Variants in DNER observed in about 807,000 individuals in gnomAD.
The protein encoded by DNER is delta/notch like EGF repeat containing, also known as delta and Notch-like epidermal growth factor-related receptor.
DNER carries 33 observed loss-of-function variants against 78.2 expected under a neutral mutation model. The ratio of observed to expected loss-of-function variants is 0.42; its 90% CI spans 0.32 to 0.56. The LOEUF (loss-of-function observed/expected upper bound fraction) is 0.56. Among genes scored for constraint, DNER ranks in the 20% least tolerant of loss-of-function variants. DNER has a pLI of 0.11. For missense variants in DNER, 918 were observed against 975.3 expected (o/e 0.94, Z 0.78); for synonymous variants, 417 against 384.8 (o/e 1.08, Z -0.98).
chr2:229,593,578 T>C (rs1253392909), intron 1 of DNER, among the ~76,000 whole-genome samples: 1 of 152,202 alleles, frequency 6.6e-6, no homozygotes, highest in Non-Finnish European at 1.5e-5. Context: ...ACACAGACTG[T>C]ATGATGGGAC....
chr2:229,402,674 G>A (rs1432716540), intron 10 of DNER, among the ~76,000 whole-genome samples: 2 of 152,194 alleles, frequency 1.3e-5, no homozygotes, highest in Non-Finnish European at 2.9e-5. Context: ...CTTCCCTGTT[G>A]AAGTACGGTT....
intron 3 of DNER, chr2:229,586,613 C>A: frequency 5.1e-6 from 5 of 983,542 alleles, no homozygotes; most frequent in Non-Finnish European, 6.0e-6. Context: ...CAACCCCAAC[C>A]CCAGCTGCCC....
chr2:229,363,804 C>T (rs982932418), intron 12 of DNER, among the ~76,000 whole-genome samples: 1 of 152,046 alleles, frequency 6.6e-6, no homozygotes, highest in African/African-American at 2.4e-5. Context: ...AACACTCCAC[C>T]ACTTGAGCCC....
In DNER at chr2:229,649,028, C is replaced by T. The variant is rs548214345; in HGVS notation, c.277-57140G>A. 8.5e-5 allele frequency among the ~76,000 whole-genome samples: 13 copies of T among 152,302 alleles called. No individual in the cohort carries two copies. The South Asian group carries it at 2.5e-3, about 29-fold the overall frequency. On this transcript the variant is annotated intron_variant, in intron 1 of 12. Transcript: ENST00000341772. ...AATCCATGAATGAAGCATATGCTGTCCTGAAGTCACTACATTTAACAGGTC... is the reference window on the plus strand; with the variant it reads ...AATCCATGAATGAAGCATATGCTGTTCTGAAGTCACTACATTTAACAGGTC...
intron 1 of DNER, among the ~76,000 whole-genome samples, chr2:229,665,362 A>G (rs1699071252): frequency 6.6e-6 from 1 of 152,186 alleles, no homozygotes; most frequent in South Asian, 2.1e-4. Context: ...AGGTCCACCA[A>G]TGTCCAAGCC....
At chr2:229,592,048 C>T (rs1267126396) in intron 1 of DNER, among the ~76,000 whole-genome samples, 160 bp from the exon 2 acceptor site, 2 of 152,156 alleles carry the variant, frequency 1.3e-5, no homozygotes, top group Non-Finnish European at 2.9e-5. Flanking sequence ...GTGGGGTGTA[C>T]ACCAAGGTCA....
chr2:229,497,273 T>C (rs1695519545), intron 6 of DNER, among the ~76,000 whole-genome samples: 2 of 151,680 alleles, frequency 1.3e-5, no homozygotes, highest in South Asian at 4.2e-4. Context: ...AAACACAACA[T>C]ACCAAAACTA....
At chr2:229,602,628 A>T (rs2154214945) in intron 1 of DNER, among the ~76,000 whole-genome samples, 1 of 152,366 alleles carries the variant, frequency 6.6e-6, no homozygotes, top group South Asian at 2.1e-4. Flanking sequence ...ATCAAAATTT[A>T]CCAAAAAATA....
chr2:229,463,821 C>T (rs4494732), intron 7 of DNER, among the ~76,000 whole-genome samples: 58,547 of 152,062 alleles, frequency 0.39, 13,120 homozygotes, highest in African/African-American at 0.63. Context: ...TCTCAGAGAG[C>T]TCATTCTTGT....
intron 1 of DNER, among the ~76,000 whole-genome samples, chr2:229,684,163 AGAGAGAGTGTGTGTGTGTGTGT>A (rs1699441410): frequency 7.7e-6 from 1 of 130,362 alleles, no homozygotes; most frequent in African/African-American, 3.0e-5. Flanking sequence ...AGAGAGAGAG[AGAGAGAGTGTGTGTGTGTGTGT>A]GTGTGTGTGT....
chr2:229,413,836 T>A (rs965155903), intron 9 of DNER, among the ~76,000 whole-genome samples: 2 of 151,538 alleles, frequency 1.3e-5, no homozygotes, highest in African/African-American at 4.8e-5. Flanking sequence ...ACTTAAAAAG[T>A]ATATATATAA....
chr2:229,561,045 G>A (rs1180060574), intron 4 of DNER, among the ~76,000 whole-genome samples: 1 of 152,062 alleles, frequency 6.6e-6, no homozygotes, highest in African/African-American at 2.4e-5. Context: ...CCAACTAAAG[G>A]TTACTTGTGG....
At chr2:229,556,788 C>T (rs1312792672) in intron 4 of DNER, among the ~76,000 whole-genome samples, 2 of 152,194 alleles carry the variant, frequency 1.3e-5, no homozygotes, top group Non-Finnish European at 2.9e-5. Flanking sequence ...GTCTTTGCAA[C>T]AGTGTGTCAC....
intron 1 of DNER, among the ~76,000 whole-genome samples, chr2:229,689,718 AC>A (rs1699537497): frequency 6.6e-6 from 1 of 152,166 alleles, no homozygotes; most frequent in African/African-American, 2.4e-5. Flanking sequence ...CAAGGAAAAA[AC>A]ATAAGCACTC....
Position 229,530,359 on chromosome 2 carries a change from A to G in DNER, c.993+16588T>C, listed in dbSNP as rs934588684. ...TCTGGGCAACTCTGGGACATTCCACATTTGCCAGGGCCTCTTCAGATTCCC... is the reference window on the plus strand; with the variant it reads ...TCTGGGCAACTCTGGGACATTCCACGTTTGCCAGGGCCTCTTCAGATTCCC... On this transcript the variant is annotated intron_variant, in intron 5 of 12. Transcript: ENST00000341772. 2.6e-5 allele frequency among the ~76,000 whole-genome samples: 4 copies of G among 152,290 alleles called. 1 individual carries two copies. Among genetic ancestry groups the G allele is most frequent in the Admixed American group, 1.3e-4 (2 of 15,298 alleles).
intron 4 of DNER, among the ~76,000 whole-genome samples, chr2:229,551,885 T>C (rs1696749775): frequency 6.6e-6 from 1 of 151,936 alleles, no homozygotes; most frequent in African/African-American, 2.4e-5. Context: ...TGAACGGAGA[T>C]TGCACCACTG....
At chr2:229,418,668 C>T (rs1693699620) in intron 8 of DNER, among the ~76,000 whole-genome samples, 1 of 152,014 alleles carries the variant, frequency 6.6e-6, no homozygotes, top group African/African-American at 2.4e-5. Context: ...GCTGGTAATC[C>T]CAGCACTTTG....
intron 1 of DNER, among the ~76,000 whole-genome samples, chr2:229,617,591 A>T (rs72990052): frequency 0.022 from 3,348 of 152,312 alleles, 50 homozygotes; most frequent in Middle Eastern, 0.034. Flanking sequence ...TAAGTCATTT[A>T]TTTCCATACT....
chr2:229,677,119 T>A (rs1385869541), intron 1 of DNER, among the ~76,000 whole-genome samples: 1 of 152,212 alleles, frequency 6.6e-6, no homozygotes, highest in Non-Finnish European at 1.5e-5. Context: ...AGCTTCACTA[T>A]CCTATCCATC....
Sources: allele counts gnomAD v4.1 joint callset (sites outside exome capture counted in the v4.1 genomes callset), GRCh38; gene constraint gnomAD v4.1.1; transcripts MANE v1.5; gene names NCBI Gene and HGNC (gene_info 2026-07-23, HGNC 2026-07-21).